Variants in SEPTIN4 observed in about 807,000 individuals in gnomAD.
The protein encoded by SEPTIN4 is septin-4.
SEPTIN4 carries 52 observed loss-of-function variants against 107.1 expected under a neutral mutation model. That is an observed-to-expected ratio of 0.49 (90% CI 0.39 to 0.61). The LOEUF (loss-of-function observed/expected upper bound fraction) is 0.61, where lower values mean the gene tolerates loss of function less well. Ranked by LOEUF, SEPTIN4 falls within the 20% of genes least tolerant of loss-of-function variation. SEPTIN4 has a pLI of 0.00. For missense variants in SEPTIN4, 1,048 were observed against 1,243.5 expected, an observed-to-expected ratio of 0.84 and a Z score of 2.36; for synonymous variants, 417 against 467.0, an observed-to-expected ratio of 0.89 and a Z score of 1.38.
intron 3 of SEPTIN4, chr17:58,531,932 G>A (rs1022536208): frequency 6.1e-6 from 7 of 1,142,140 alleles, no homozygotes; most frequent in Non-Finnish European, 7.5e-6. Flanking sequence ...GCCCTGCCCC[G>A]CGCCCGCCCG....
In SEPTIN4 at chr17:58,525,700, G is replaced by A. The variant is rs1316884129; in HGVS notation, c.2087C>T (p.Ala696Val). The A allele has an allele frequency of 6.2e-7, 1 of 1,613,736 alleles. No homozygotes were observed. The highest frequency in any genetic ancestry group is 8.5e-7 in the Non-Finnish European group (1 of 1,179,784). Reference protein sequence around the residue: ...DLYRDRKLLGAEERIMQTVEI... With the variant: ...DLYRDRKLLGVEERIMQTVEI... ...TTGTCCTCTCCTTTCCTTACCTTCA[G>A]CACCAAGAAGTTTCCGGTCCCGGTA... The change falls in exon 6 of 14, where the codon GCT (alanine) becomes GTT (valine). Residue 696 changes from alanine to valine, a missense_variant. Around this residue, in one of 2 missense-constraint regions of SEPTIN4, gnomAD observed 787 missense variants for 871.8 expected, o/e 0.90. Transcript: ENST00000672673.
In SEPTIN4 at chr17:58,521,901, T is replaced by C; in HGVS notation, c.2352-48A>G. On this transcript the variant is annotated intron_variant, in intron 8 of 13. Coordinates refer to ENST00000672673, the MANE Select transcript of SEPTIN4 (RefSeq NM_001368771.2). This position sits in a 1 kb window ranked among gnomAD's most constrained non-coding sequence, Gnocchi z 6.4. ...CACCTGCTAGTGGCAGCCCTGCCCC[T>C]GGTGCTCTTGGCCTGTTCCCTTGAC... 6.2e-7 allele frequency: 1 copy of C among 1,614,236 alleles called. No individual in the cohort carries two copies. Among genetic ancestry groups the C allele is most frequent in the South Asian group, 1.1e-5 (1 of 91,088 alleles).
chr17:58,536,059 AG>A (rs1174808028), intron 3 of SEPTIN4, among the ~76,000 whole-genome samples: 1 of 152,206 alleles, frequency 6.6e-6, no homozygotes, highest in Non-Finnish European at 1.5e-5. Context: ...TGATATCTAA[AG>A]GTGCTGCTGA....
intron 1 of SEPTIN4, 23 bp downstream of exon 1, chr17:58,542,603 G>A: frequency 1.3e-6 from 2 of 1,588,858 alleles, no homozygotes; most frequent in Middle Eastern, 2.1e-4. Context: ...GGCTGCACCT[G>A]GGCAGTCTGC....
chr17:58,526,520 T>C, intron 4 of SEPTIN4, 162 bp downstream of exon 4: 2 of 1,396,144 alleles, frequency 1.4e-6, no homozygotes. Context: ...GCAGATATCT[T>C]GGAGCTAGGG....
intron 3 of SEPTIN4, among the ~76,000 whole-genome samples, chr17:58,533,761 G>C (rs1362606419): frequency 6.6e-6 from 1 of 152,194 alleles, no homozygotes. Context: ...GCTACCATCA[G>C]CCCCAAATGT....
intron 3 of SEPTIN4, chr17:58,531,722 G>A (rs1598305973): frequency 4.3e-6 from 1 of 232,672 alleles, no homozygotes; most frequent in Non-Finnish European, 7.8e-6. Flanking sequence ...GTCCTAGAGC[G>A]CAGGCATCAC....
chr17:58,541,147 T>C (rs913754131), intron 2 of SEPTIN4, among the ~76,000 whole-genome samples: 5 of 152,170 alleles, frequency 3.3e-5, no homozygotes, highest in South Asian at 2.1e-4. Flanking sequence ...GGAGGGTTCA[T>C]GCTGGTTGGG....
intron 7 of SEPTIN4, among the ~76,000 whole-genome samples, chr17:58,523,676 T>C (rs1234765091): frequency 1.3e-5 from 2 of 151,886 alleles, no homozygotes; most frequent in African/African-American, 4.8e-5. Flanking sequence ...TGTGCTCACA[T>C]TCTAGCTGAT....
At chr17:58,525,880 T>A in intron 5 of SEPTIN4, 99 bp from the exon 6 acceptor site, 1 of 1,077,592 alleles carries the variant, frequency 9.3e-7, no homozygotes, top group Admixed American at 2.1e-5. Context: ...TGCTTTCTTA[T>A]CTAATTGGAA....
At chr17:58,531,772 A>T (rs2043483975) in intron 3 of SEPTIN4, 1 of 429,384 alleles carries the variant, frequency 2.3e-6, no homozygotes, top group Non-Finnish European at 3.2e-6. Flanking sequence ...TCAGAGGGAA[A>T]AACTTGGGAG....
rs1364035276 is a variant in SEPTIN4, at chr17:58,540,679, A to C, written c.1607-6T>G. 3.0e-6 allele frequency: 4 copies of C among 1,354,442 alleles called. No homozygotes were observed. Among genetic ancestry groups the C allele is most frequent in the Admixed American group, 3.7e-5 (1 of 26,924 alleles). 83.9% of individuals were successfully genotyped at this position (1,354,442 alleles called of 1,614,324 possible). On this transcript the variant is annotated splice_region_variant and splice_polypyrimidine_tract_variant and intron_variant, in intron 2 of 13. Coordinates refer to ENST00000672673, the MANE Select transcript of SEPTIN4 (RefSeq NM_001368771.2). The stretch of plus-strand genomic sequence containing the variant: ...GGGCATTCTTACCTCCTCATCTGTC[A>C]TAACAGAGTAGAAGCCAGGCATTCC...
intron 4 of SEPTIN4, 53 bp downstream of exon 4, chr17:58,526,629 C>T (rs1336322772): frequency 4.7e-5 from 71 of 1,524,716 alleles, no homozygotes; most frequent in Non-Finnish European, 6.1e-5. Context: ...TCCCTGCCCC[C>T]GGTCTTCCTG....
chr17:58,529,220 T>A, intron 3 of SEPTIN4: 1 of 1,614,120 alleles, frequency 6.2e-7, no homozygotes, highest in Non-Finnish European at 8.5e-7. Context: ...GGTCTAATTT[T>A]ATCTCCCAGG....
intron 3 of SEPTIN4, chr17:58,529,391 T>C (rs1766546095): frequency 1.4e-6 from 2 of 1,425,174 alleles, no homozygotes; most frequent in African/African-American, 1.4e-5. Flanking sequence ...TCCCCTTCCC[T>C]TGGCTCCCAC....
Position 58,543,852 on chromosome 17 carries a change from A to G in SEPTIN4, c.335T>C (p.Leu112Pro). ...PHLKSQKTQT[L>P]ASHASSRQWK... ...TTGTCTGCTTGAAGCATGGGAAGCC[A>G]GTGTCTGAGTCTTCTGGCTCTTTAG... The change falls in exon 1 of 14, where the codon CTG (leucine) becomes CCG (proline). Residue 112 changes from leucine (L) to proline (P), a missense_variant. Physicochemically the swap from Leu to Pro is moderately conservative, Grantham distance 98. This residue lies in a region of SEPTIN4 where 787 missense variants were observed against 871.8 expected (regional missense o/e 0.90). Transcript: ENST00000672673. 1 of 1,614,094 alleles carries G rather than the reference A, an allele frequency of 6.2e-7. No homozygotes were observed. Among genetic ancestry groups the G allele is most frequent in the Non-Finnish European group, 8.5e-7 (1 of 1,180,022 alleles).
Position 58,520,334 on chromosome 17 carries a change from G to C in SEPTIN4, c.*92C>G, listed in dbSNP as rs553929296. On this transcript the variant is annotated 3_prime_UTR_variant, in exon 14 of 14. Coordinates refer to ENST00000672673, the MANE Select transcript of SEPTIN4 (RefSeq NM_001368771.2). Reference sequence around the variant, plus strand: ...AGGGATGTAAGGCGAAGTGGCAGTAGCTGAAGGGGCCTGAGCAGAGCTGGT... The same window carrying C: ...AGGGATGTAAGGCGAAGTGGCAGTACCTGAAGGGGCCTGAGCAGAGCTGGT... 1.7e-5 allele frequency: 20 copies of C among 1,200,440 alleles called. No homozygotes were observed. The highest frequency in any genetic ancestry group is 2.4e-5 in the East Asian group (1 of 41,176). The allele number at this position is 1,200,440 out of a possible 1,614,324, so 74.4% of individuals were successfully genotyped here. A position where few individuals can be genotyped will look rare whatever the true frequency, so the allele number is the denominator to read the frequency against.
chr17:58,529,290 G>A, intron 3 of SEPTIN4: 1 of 1,583,608 alleles, frequency 6.3e-7, no homozygotes, highest in South Asian at 1.1e-5. Context: ...TGGCTTCCTG[G>A]CTTGCTCCTT....
rs1169097085 is a variant in SEPTIN4 at position 58,521,416 on chromosome 17, T to A, written c.2572-66A>T. 22 of 1,574,660 alleles carry A rather than the reference T, an allele frequency of 1.4e-5. No homozygotes were observed. Among genetic ancestry groups the A allele is most frequent in the Non-Finnish European group, 1.8e-5 (21 of 1,144,504 alleles). On this transcript the variant is annotated intron_variant, in intron 10 of 13. Transcript: ENST00000672673. This position sits in a 1 kb window ranked among gnomAD's most constrained non-coding sequence, Gnocchi z 6.4. ...CACCTCTTTCTTTCCACCTGTATCG[T>A]CATCTTCTCTGCTTCATTCTAGGAA... is the stretch of plus-strand genomic sequence containing the variant.
Sources: gnomAD v4.1 joint callset for allele counts (sites outside exome capture counted in the v4.1 genomes callset) on GRCh38, gnomAD v4.1.1 for gene constraint, gnomAD v4.1.1 regional missense constraint, Gnocchi (gnomAD v3.1) non-coding constraint, MANE v1.5 for transcripts, NCBI Gene and HGNC (gene_info 2026-07-23, HGNC 2026-07-21) for gene names.